Variants in FBXW10 observed in about 807,000 individuals in gnomAD.
The protein encoded by FBXW10 is F-box/WD repeat-containing protein 10.
FBXW10 carries 68 observed loss-of-function variants against 113.1 expected under a neutral mutation model. That is an observed-to-expected ratio of 0.60 (90% CI 0.49 to 0.74). The LOEUF (loss-of-function observed/expected upper bound fraction) is 0.74, where lower values mean the gene tolerates loss of function less well. Ranked by LOEUF, FBXW10 falls within the 30% of genes least tolerant of loss-of-function variation. The pLI, the probability that FBXW10 is intolerant of heterozygous loss-of-function variation, is 0.00. For synonymous variants in FBXW10, 289 were observed against 481.6 expected (o/e 0.60, Z 5.24); for missense variants, 753 against 1,284.5 (o/e 0.59, Z 6.32).
chr17:18,744,820 G>A, intron 1 of FBXW10, 71 bp downstream of exon 1: 1 of 1,568,298 alleles, frequency 6.4e-7, no homozygotes, highest in Non-Finnish European at 8.6e-7. Context: ...AAATCTGTAA[G>A]GAACTGCAGT....
rs781635518 is a variant in FBXW10, at chr17:18,756,107, G to C, written c.1185G>C (p.Glu395Asp). 3.7e-6 allele frequency: 6 copies of C among 1,613,884 alleles called. No homozygotes were observed. Among genetic ancestry groups the C allele is most frequent in the Non-Finnish European group, 5.1e-6 (6 of 1,179,878 alleles). ...NEETQQVLIE[E>D]RNVFCGTYNV... Reference sequence around the variant, plus strand: ...AAACGCAGCAGGTCCTGATAGAGGAGAGAAATGTTTTCTGTGGGACCTACA... The same window carrying C: ...AAACGCAGCAGGTCCTGATAGAGGACAGAAATGTTTTCTGTGGGACCTACA... Residue 395 changes from glutamate to aspartate, a missense_variant, in exon 6 of 14, where the codon GAG becomes GAC. Transcript: ENST00000395665.
chr17:18,754,767 G>A (rs1184008887), intron 5 of FBXW10, among the ~76,000 whole-genome samples: 1 of 152,244 alleles, frequency 6.6e-6, no homozygotes, highest in Non-Finnish European at 1.5e-5. Flanking sequence ...GAGGAATGAA[G>A]GCAGGCAGGC....
intron 5 of FBXW10, among the ~76,000 whole-genome samples, chr17:18,755,123 C>T (rs2035234271): frequency 6.6e-6 from 1 of 151,834 alleles, no homozygotes; most frequent in African/African-American, 2.4e-5. Flanking sequence ...ATTAGCCAGG[C>T]GTGGTGGCAC....
intron 13 of FBXW10, among the ~76,000 whole-genome samples, chr17:18,777,118 G>C (rs1234769874): frequency 6.8e-6 from 1 of 147,426 alleles, no homozygotes; most frequent in Admixed American, 6.9e-5. Flanking sequence ...CTGGAGTGCA[G>C]TGGCGTGATC....
rs758122859 is a variant in FBXW10, at chr17:18,744,561, T to A, written c.317T>A (p.Leu106Ter). 2 of 1,614,018 alleles carry A rather than the reference T, an allele frequency of 1.2e-6. No individual in the cohort carries two copies. The highest frequency in any genetic ancestry group is 1.7e-4 in the Middle Eastern group (1 of 6,056). The change falls in exon 1 of 14, where the codon TTG becomes TAG. Residue 106 changes from leucine to a stop codon, truncating the protein, a stop_gained. Coordinates refer to ENST00000395665, the MANE Select transcript of FBXW10 (RefSeq NM_001267585.2). LOFTEE classifies it high-confidence loss of function. Reference protein sequence around the residue: ...KKEGKVVKSSLNQMLDKTVEQ... With the variant: ...KKEGKVVKSS The stretch of plus-strand genomic sequence containing the variant: ...GAGGGGAAAGTTGTGAAGTCCTCCT[T>A]GAACCAAATGTTGGATAAAACAGTA...
Position 18,747,945 on chromosome 17 carries a change from C to T in FBXW10, c.510C>T (p.Leu170=), listed in dbSNP as rs376114266. The T allele has an allele frequency of 2.5e-5, 40 of 1,613,776 alleles. No individual in the cohort carries two copies. The highest frequency in any genetic ancestry group is 3.2e-5 in the Non-Finnish European group (38 of 1,179,854). ...TCTTGGTCTTCTGTGTTTCAGGGCTCAATCAAGACATCACAGATGTGTGTT... is the reference window on the plus strand; with the variant it reads ...TCTTGGTCTTCTGTGTTTCAGGGCTTAATCAAGACATCACAGATGTGTGTT... The part of the protein sequence containing the change: ...FLREENNISG[L]NQDITDVCFS... Residue 170 remains leucine (L), a synonymous_variant, in exon 2 of 14, where the codon CTC becomes CTT. Transcript: ENST00000395665.
In FBXW10 at chr17:18,748,248, T is replaced by G. The variant is rs961884079; in HGVS notation, c.670+143T>G. 2.4e-5 allele frequency: 34 copies of G among 1,417,684 alleles called. No individual in the cohort carries two copies. In the African/African-American group the frequency reaches 4.5e-4, roughly 19 times the overall value. 87.8% of individuals were successfully genotyped at this position (1,417,684 alleles called of 1,614,324 possible). A position where few individuals can be genotyped will look rare whatever the true frequency, so the allele number is the denominator to read the frequency against. On this transcript the variant is annotated intron_variant, in intron 2 of 13. Coordinates refer to ENST00000395665, the MANE Select transcript of FBXW10 (RefSeq NM_001267585.2). ...TCCTGGCTAACACGGTGAAACCCCG[T>G]CTCTACTAAAAATACAAAAAAATTA...
chr17:18,779,207 G>A lies in FBXW10; in HGVS notation c.3068G>A (p.Trp1023Ter). The A allele has an allele frequency of 1.5e-6, 2 of 1,320,016 alleles. 1 individual carries two copies. The highest frequency in any genetic ancestry group is 2.1e-6 in the Non-Finnish European group (2 of 940,688). The allele number at this position is 1,320,016 out of a possible 1,614,324, so 81.8% of individuals were successfully genotyped here. A position where few individuals can be genotyped will look rare whatever the true frequency, so the allele number is the denominator to read the frequency against. The change falls in exon 14 of 14, where the codon TGG (tryptophan) becomes TAG (stop). Residue 1023 changes from tryptophan to a stop codon, truncating the protein, a stop_gained. Transcript: ENST00000395665. LOFTEE classifies it high-confidence loss of function. ...CCAGGAAAAGTCAGCAAAGCTGCAT[G>A]GATCAGGAAGATCAAAGGCCTGCCT... Reference protein sequence around the residue: ...VDPGKVSKAAWIRKIKGLPID... With the variant: ...VDPGKVSKAA
Position 18,778,745 on chromosome 17 carries a change from G to A in FBXW10, c.2606G>A (p.Arg869Gln), listed in dbSNP as rs760930640. ...AAATCAATCCAACGTGCAGTTGATC[G>A]GTTGAGATTGAGCAATCCTCCTATA... ...KGKSIQRAVD[R>Q]LRLSNPPIDV... Residue 869 changes from arginine (R) to glutamine (Q), a missense_variant, in exon 14 of 14, where the codon CGG (arginine) becomes CAG (glutamine). Coordinates refer to ENST00000395665, the MANE Select transcript of FBXW10 (RefSeq NM_001267585.2). 1.3e-5 allele frequency: 21 copies of A among 1,613,366 alleles called. No homozygotes were observed. The highest frequency in any genetic ancestry group is 2.7e-5 in the African/African-American group (2 of 74,814).
In FBXW10 at chr17:18,775,900, C is replaced by T. The variant is rs186214249; in HGVS notation, c.2335+708C>T. 3.3e-4 allele frequency among the ~76,000 whole-genome samples: 50 copies of T among 152,052 alleles called. No homozygotes were observed. The East Asian group carries it at 7.7e-3, about 24-fold the overall frequency. On this transcript the variant is annotated intron_variant, in intron 13 of 13. Transcript: ENST00000395665. ...AAAAAATTGGCCAGATATGGTAGCACGCACCTCCTAGCTACTCAGGAAGCT... is the reference window on the plus strand; with the variant it reads ...AAAAAATTGGCCAGATATGGTAGCATGCACCTCCTAGCTACTCAGGAAGCT...
At position 18,766,794 on chromosome 17, in the gene FBXW10, T is replaced by C; in HGVS notation, c.1636T>C (p.Tyr546His). 6.2e-7 allele frequency: 1 copy of C among 1,612,344 alleles called. No homozygotes were observed. Among genetic ancestry groups the C allele is most frequent in the South Asian group, 1.1e-5 (1 of 91,040 alleles). Residue 546 changes from tyrosine to histidine, a missense_variant, in exon 9 of 14, where the codon TAC becomes CAC. By Grantham distance (83) the Tyr-to-His change is moderately conservative. Coordinates refer to ENST00000395665, the MANE Select transcript of FBXW10 (RefSeq NM_001267585.2). The stretch of plus-strand genomic sequence containing the variant: ...CTTGGCCACCAGGATCAATGATACC[T>C]ACATTGTGAGCAGCTGTGAGCGAGG... ...PILATRINDT[Y>H]IVSSCERGLV...
At chr17:18,774,469 G>A (rs1026796225) in intron 12 of FBXW10, among the ~76,000 whole-genome samples, 11 of 152,186 alleles carry the variant, frequency 7.2e-5, no homozygotes, top group Non-Finnish European at 1.0e-4. Flanking sequence ...AAGTTCCAGC[G>A]TTTGGTTGCA....
intron 7 of FBXW10, among the ~76,000 whole-genome samples, chr17:18,762,613 C>T (rs1190755294): frequency 2.0e-5 from 3 of 152,118 alleles, no homozygotes; most frequent in Admixed American, 6.6e-5. Flanking sequence ...TGAGCCACCA[C>T]GCCCGGCCGA....
chr17:18,769,902 T>C, intron 10 of FBXW10, 25 bp from the exon 11 acceptor site: 1 of 1,611,838 alleles, frequency 6.2e-7, no homozygotes, highest in South Asian at 1.1e-5. Context: ...GGATGGGTAC[T>C]GCCTGCTACT....
intron 11 of FBXW10, among the ~76,000 whole-genome samples, chr17:18,771,105 T>A (rs56009532): frequency 5.0e-5 from 7 of 138,906 alleles, no homozygotes; most frequent in South Asian, 2.2e-4. Flanking sequence ...GTCATGCTGC[T>A]AAAAAAAAAA....
intron 2 of FBXW10, among the ~76,000 whole-genome samples, chr17:18,749,374 TAAA>T (rs10580273): frequency 1.4e-3 from 207 of 147,606 alleles, no homozygotes; most frequent in Middle Eastern, 3.5e-3. Flanking sequence ...CCGCCTCTAC[TAAA>T]AAAAAAAAAA....
At chr17:18,760,779 CAA>C (rs71155352) in intron 7 of FBXW10, among the ~76,000 whole-genome samples, 12,764 of 131,324 alleles carry the variant, frequency 0.097, no homozygotes, top group African/African-American at 0.22. Flanking sequence ...AACTCGGTCT[CAA>C]AAAAAAAAAA....
chr17:18,770,477 T>A (rs1202519005), intron 11 of FBXW10, among the ~76,000 whole-genome samples: 4 of 152,090 alleles, frequency 2.6e-5, no homozygotes. Flanking sequence ...TAATTTTTAG[T>A]ATTTTTAGTA....
At chr17:18,766,664 T>C (rs1451983773) in intron 8 of FBXW10, 50 bp from the exon 9 acceptor site, 6 of 1,590,830 alleles carry the variant, frequency 3.8e-6, no homozygotes, top group Non-Finnish European at 5.2e-6. Flanking sequence ...CCTTTCCTTT[T>C]CCCCCTTTTT....
Sources: gnomAD v4.1 joint callset for allele counts (sites outside exome capture counted in the v4.1 genomes callset) on GRCh38, gnomAD v4.1.1 for gene constraint, MANE v1.5 for transcripts, NCBI Gene and HGNC (gene_info 2026-07-23, HGNC 2026-07-21) for gene names.